The following SND1 variants were observed in gnomAD, a reference collection of about 807,000 sequenced individuals.
The protein encoded by SND1 is staphylococcal nuclease and tudor domain containing 1.
SND1 carries 38 observed loss-of-function variants against 121.7 expected under a neutral mutation model. The ratio of observed to expected loss-of-function variants is 0.31; its 90% CI spans 0.24 to 0.41. The LOEUF (loss-of-function observed/expected upper bound fraction) is 0.41. Among genes scored for constraint, SND1 ranks in the 10% least tolerant of loss-of-function variants. SND1 has a pLI of 1.00. For missense variants in SND1, 868 were observed against 1,184.6 expected (o/e 0.73, Z 3.92); for synonymous variants, 401 against 447.4 (o/e 0.90, Z 1.31).
At chr7:127,890,749 A>T (rs961940638) in intron 13 of SND1, among the ~76,000 whole-genome samples, 2 of 152,132 alleles carry the variant, frequency 1.3e-5, no homozygotes, top group East Asian at 1.9e-4. Flanking sequence ...AAATTTTTTA[A>T]GTTTTAGGTT....
chr7:127,830,114 G>T (rs1406530195), intron 11 of SND1, among the ~76,000 whole-genome samples: 2 of 151,948 alleles, frequency 1.3e-5, no homozygotes, highest in Non-Finnish European at 2.9e-5. Context: ...CGGGTGCGGT[G>T]GCTCATGCCT....
At chr7:127,829,662 G>A (rs528847981) in intron 11 of SND1, among the ~76,000 whole-genome samples, 15 of 152,250 alleles carry the variant, frequency 9.9e-5, no homozygotes, top group East Asian at 3.9e-4. Context: ...AAAGTACACC[G>A]TAGTGGATAA....
At chr7:127,810,715 G>T (rs1383575994) in intron 11 of SND1, among the ~76,000 whole-genome samples, 1 of 152,204 alleles carries the variant, frequency 6.6e-6, no homozygotes, top group African/African-American at 2.4e-5. Flanking sequence ...TTGCTTTCAG[G>T]AGAATAAGGT....
chr7:127,738,290 T>TC (rs1327542392), intron 10 of SND1, among the ~76,000 whole-genome samples: 1 of 149,236 alleles, frequency 6.7e-6, no homozygotes, highest in Non-Finnish European at 1.5e-5. Flanking sequence ...TTTTTTCTTT[T>TC]TTTTTTTTTT....
chr7:127,801,873 G>C (rs1452647133), intron 10 of SND1, among the ~76,000 whole-genome samples: 1 of 151,974 alleles, frequency 6.6e-6, no homozygotes, highest in African/African-American at 2.4e-5. Context: ...ACAGAGTCTT[G>C]CTCTGTCGCC....
At chr7:127,703,944 A>T (rs1036028764) in intron 7 of SND1, among the ~76,000 whole-genome samples, 3 of 152,182 alleles carry the variant, frequency 2.0e-5, no homozygotes, top group Non-Finnish European at 2.9e-5. Flanking sequence ...AATAGGGTTG[A>T]TGAGGTCTAG....
chr7:127,851,435 T>C (rs1240699553), intron 12 of SND1, among the ~76,000 whole-genome samples: 1 of 152,264 alleles, frequency 6.6e-6, no homozygotes, highest in African/African-American at 2.4e-5. Context: ...CTTTGCTTTT[T>C]TTCTTCTATA....
At chr7:127,846,484 G>A (rs1007806675) in intron 12 of SND1, among the ~76,000 whole-genome samples, 1 of 152,152 alleles carries the variant, frequency 6.6e-6, no homozygotes, top group African/African-American at 2.4e-5. Context: ...GGAATTTACT[G>A]ATACTGAAAC....
chr7:127,846,851 C>T (rs1799073315), intron 12 of SND1, among the ~76,000 whole-genome samples: 1 of 152,180 alleles, frequency 6.6e-6, no homozygotes, highest in East Asian at 1.9e-4. Context: ...GAGAGGCCAT[C>T]TCTAGCAAAT....
chr7:127,719,978 C>T (rs1463754220), intron 9 of SND1, among the ~76,000 whole-genome samples: 2 of 152,090 alleles, frequency 1.3e-5, no homozygotes, highest in African/African-American at 4.8e-5. Flanking sequence ...TAAGGCATTC[C>T]TTACTCTTCG....
intron 16 of SND1, among the ~76,000 whole-genome samples, chr7:127,992,977 C>G (rs887631100): frequency 6.6e-6 from 1 of 152,134 alleles, no homozygotes; most frequent in African/African-American, 2.4e-5. Flanking sequence ...TTAGTCTAAC[C>G]CAGAGTTGAT....
chr7:127,958,819 G>C (rs556136778), intron 15 of SND1, among the ~76,000 whole-genome samples: 210 of 152,212 alleles, frequency 1.4e-3, no homozygotes, highest in Admixed American at 3.1e-3. Context: ...GAGGCATTAG[G>C]TATGAGTACC....
chr7:127,726,690 G>GA (rs1456723456), intron 10 of SND1, among the ~76,000 whole-genome samples: 1 of 152,134 alleles, frequency 6.6e-6, no homozygotes, highest in Admixed American at 6.5e-5. Flanking sequence ...AATGACAAAG[G>GA]AAACAGCCCC....
At chr7:127,680,117 G>T (rs534496486) in intron 1 of SND1, among the ~76,000 whole-genome samples, 1 of 152,290 alleles carries the variant, frequency 6.6e-6, no homozygotes, top group African/African-American at 2.4e-5. Flanking sequence ...CCCCTGAGCC[G>T]TAAAACCAGC....
At chr7:127,909,634 G>A (rs1349863206) in intron 14 of SND1, among the ~76,000 whole-genome samples, 1 of 151,924 alleles carries the variant, frequency 6.6e-6, no homozygotes, top group Non-Finnish European at 1.5e-5. Context: ...ATCTTGCTAT[G>A]TTGTCCAGGC....
chr7:127,773,154 T>A (rs1364049998), intron 10 of SND1, among the ~76,000 whole-genome samples: 1 of 152,220 alleles, frequency 6.6e-6, no homozygotes, highest in Non-Finnish European at 1.5e-5. Context: ...GTCTCTCTCC[T>A]TGAGAATGAA....
chr7:127,855,444 A>T (rs1438475279), intron 12 of SND1, among the ~76,000 whole-genome samples: 1 of 151,942 alleles, frequency 6.6e-6, no homozygotes, highest in African/African-American at 2.4e-5. Context: ...TTGGAAGTAA[A>T]TAGGTCTGAG....
At chr7:127,957,933 C>A (rs974535799) in intron 15 of SND1, among the ~76,000 whole-genome samples, 11 of 152,308 alleles carry the variant, frequency 7.2e-5, no homozygotes, top group Admixed American at 4.6e-4. Flanking sequence ...AACTCCTTGC[C>A]TCAAGCATTC....
chr7:127,721,367 C>G lies in SND1; in HGVS notation c.1119C>G (p.Ile373Met), dbSNP rs1425158629. The G allele has an allele frequency of 6.2e-7, 1 of 1,612,210 alleles. No individual in the cohort carries two copies. Among genetic ancestry groups the G allele is most frequent in the Admixed American group, 1.7e-5 (1 of 59,936 alleles). The change falls in exon 10 of 24, where the codon ATC (isoleucine) becomes ATG (methionine). Residue 373 changes from isoleucine (I) to methionine (M), a missense_variant. Around this residue, in one of 2 missense-constraint regions of SND1, gnomAD observed 743 missense variants for 1,071.3 expected, o/e 0.69. Transcript: ENST00000354725. ...ACAAGACGATTCACCTGTCCAGCAT[C>G]CGACCACCGAGGCTGGAGGGGGAGA... ...GDYKTIHLSS[I>M]RPPRLEGENT...
Sources: allele counts gnomAD v4.1 joint callset (sites outside exome capture counted in the v4.1 genomes callset), GRCh38; gene constraint gnomAD v4.1.1; regional missense constraint gnomAD v4.1.1; transcripts MANE v1.5; gene names NCBI Gene and HGNC (gene_info 2026-07-23, HGNC 2026-07-21).